The following CADPS2 variants were observed in gnomAD, a reference collection of about 807,000 sequenced individuals.
CADPS2 encodes calcium dependent secretion activator 2, also known as calcium-dependent secretion activator 2.
A neutral mutation model predicts 172.5 loss-of-function variants in CADPS2; 93 were observed. That is an observed-to-expected ratio of 0.54 (90% CI 0.46 to 0.64). The LOEUF (loss-of-function observed/expected upper bound fraction) is 0.64, where lower values mean the gene tolerates loss of function less well. Among genes scored for constraint, CADPS2 ranks in the 30% least tolerant of loss-of-function variants. The pLI, the probability that CADPS2 is intolerant of heterozygous loss-of-function variation, is 0.00. For synonymous variants in CADPS2, 546 were observed against 555.2 expected (o/e 0.98, Z 0.23); for missense variants, 1,420 against 1,565.9 (o/e 0.91, Z 1.57).
intron 1 of CADPS2, among the ~76,000 whole-genome samples, chr7:122,822,719 T>G (rs1803707143): frequency 6.6e-6 from 1 of 151,928 alleles, no homozygotes. Context: ...GATCCTTGCC[T>G]TAAGTGATGA....
intron 24 of CADPS2, chr7:122,386,269 C>A: frequency 7.2e-7 from 1 of 1,394,122 alleles, no homozygotes; most frequent in Non-Finnish European, 9.4e-7. Context: ...ATGAAATGTG[C>A]TTTTAGAAAA....
chr7:122,701,892 G>A, intron 2 of CADPS2: 1 of 1,613,374 alleles, frequency 6.2e-7, no homozygotes, highest in African/African-American at 1.3e-5. Context: ...AAAAGCCAGG[G>A]GTCAATGCAT....
chr7:122,863,237 G>A (rs937060700), intron 1 of CADPS2, among the ~76,000 whole-genome samples: 30 of 152,054 alleles, frequency 2.0e-4, no homozygotes, highest in African/African-American at 7.2e-4. Context: ...CTACATATCT[G>A]CGAAAACTTG....
intron 2 of CADPS2, among the ~76,000 whole-genome samples, chr7:122,688,831 C>T (rs1013439675): frequency 5.3e-5 from 8 of 152,198 alleles, no homozygotes; most frequent in African/African-American, 1.7e-4. Flanking sequence ...GACAAAAGCA[C>T]AGCCATGTTC....
chr7:122,650,882 A>C (rs2079083182), intron 3 of CADPS2, among the ~76,000 whole-genome samples: 1 of 151,992 alleles, frequency 6.6e-6, no homozygotes, highest in Admixed American at 6.6e-5. Context: ...TTTACCAAAA[A>C]TTTAACACAT....
rs1413708454 is a variant in CADPS2, at chr7:122,363,395, CAT to C, written c.3388-2384_3388-2383del. Among the ~76,000 whole-genome samples, 7 of 152,080 alleles carry C rather than the reference CAT, an allele frequency of 4.6e-5. No individual in the cohort carries two copies. The South Asian group carries it at 1.0e-3, about 23-fold the overall frequency. On this transcript the variant is annotated intron_variant, in intron 25 of 29. Transcript: ENST00000449022. ...TTGCTAGTGAGTCTGTGCATACACACATGTGTGTTGCTGAGGGACAAAGCAAG... is the reference window on the plus strand; with the variant it reads ...TTGCTAGTGAGTCTGTGCATACACACGTGTGTTGCTGAGGGACAAAGCAAG...
intron 22 of CADPS2, among the ~76,000 whole-genome samples, chr7:122,390,050 C>T (rs978052026): frequency 6.6e-6 from 1 of 152,002 alleles, no homozygotes; most frequent in African/African-American, 2.4e-5. Context: ...CTATCACAAA[C>T]CTACACTGCT....
chr7:122,369,959 T>G (rs1252961127), intron 25 of CADPS2: 1 of 152,224 alleles, frequency 6.6e-6, no homozygotes, highest in Non-Finnish European at 1.5e-5. Flanking sequence ...CCATTGCTCT[T>G]GGGATAAAGA....
intron 2 of CADPS2, among the ~76,000 whole-genome samples, chr7:122,726,706 T>C (rs1367795092): frequency 6.9e-6 from 1 of 145,534 alleles, no homozygotes; most frequent in Non-Finnish European, 1.5e-5. Context: ...TTATTTACTC[T>C]TAAAAACTTT....
At chr7:122,669,081 A>T (rs1473414844) in intron 2 of CADPS2, among the ~76,000 whole-genome samples, 1 of 152,194 alleles carries the variant, frequency 6.6e-6, no homozygotes, top group African/African-American at 2.4e-5. Flanking sequence ...CTGTAATCCC[A>T]GCACTTTGGG....
chr7:122,799,324 G>A (rs947034196), intron 1 of CADPS2, among the ~76,000 whole-genome samples: 1 of 152,204 alleles, frequency 6.6e-6, no homozygotes, highest in African/African-American at 2.4e-5. Context: ...GTAGGGCTGG[G>A]CGCGGTGGCT....
chr7:122,673,696 C>T (rs983971790), intron 2 of CADPS2, among the ~76,000 whole-genome samples: 43 of 152,226 alleles, frequency 2.8e-4, no homozygotes, highest in African/African-American at 9.6e-4. Flanking sequence ...AATCCTCCAG[C>T]TAGACATAAA....
intron 17 of CADPS2, chr7:122,424,324 T>C: frequency 4.1e-6 from 4 of 984,646 alleles, no homozygotes; most frequent in Non-Finnish European, 4.8e-6. Flanking sequence ...TTAACTACTT[T>C]ACCTAGATTA....
chr7:122,471,426 G>A lies in CADPS2; in HGVS notation c.2135C>T (p.Thr712Ile), dbSNP rs1304090007. Residue 712 changes from threonine to isoleucine, a missense_variant, in exon 14 of 30, where the codon ACC (threonine) becomes ATC (isoleucine). Thr to Ile is a moderately conservative substitution (Grantham distance 89). Coordinates refer to ENST00000449022, the MANE Select transcript of CADPS2 (RefSeq NM_017954.11). Reference protein sequence around the residue: ...HSENGAVIDPTLLHYSFAFCA... With the variant: ...HSENGAVIDPILLHYSFAFCA... ...GAATGCAAAGCTGTAATGGAGCAGG[G>A]TAGGGTCAATGACAGCACCATTTTC... 1 of 1,613,572 alleles carries A rather than the reference G, an allele frequency of 6.2e-7. No individual in the cohort carries two copies. The highest frequency in any genetic ancestry group is 2.2e-5 in the East Asian group (1 of 44,802).
intron 6 of CADPS2, among the ~76,000 whole-genome samples, chr7:122,604,271 C>A (rs2073196231): frequency 1.3e-5 from 2 of 152,094 alleles, no homozygotes; most frequent in Admixed American, 6.6e-5. Context: ...GTTATTCACT[C>A]ACAGATTGTT....
intron 8 of CADPS2, among the ~76,000 whole-genome samples, chr7:122,525,879 A>G (rs926120201): frequency 1.3e-5 from 2 of 152,164 alleles, no homozygotes; most frequent in Non-Finnish European, 2.9e-5. Context: ...ATTGTAACAC[A>G]ATGGCAAGTA....
chr7:122,576,852 C>A (rs547372442), intron 7 of CADPS2, among the ~76,000 whole-genome samples: 1 of 151,608 alleles, frequency 6.6e-6, no homozygotes, highest in Non-Finnish European at 1.5e-5. Flanking sequence ...CTCTGCCTCC[C>A]GGGTTCAAGT....
At chr7:122,538,146 T>TA (rs35361124) in intron 8 of CADPS2, among the ~76,000 whole-genome samples, 72 of 146,488 alleles carry the variant, frequency 4.9e-4, no homozygotes, top group Middle Eastern at 3.5e-3. Flanking sequence ...ACAAATTCAG[T>TA]AAAAAAAAAA....
At chr7:122,621,373 CAT>C in intron 5 of CADPS2, 106 bp downstream of exon 5, 1 of 734,846 alleles carries the variant, frequency 1.4e-6, no homozygotes, top group Non-Finnish European at 2.3e-6. Flanking sequence ...ACATCTCCAA[CAT>C]ATATTACACT....
Sources: gnomAD v4.1 joint callset for allele counts (sites outside exome capture counted in the v4.1 genomes callset) on GRCh38, gnomAD v4.1.1 for gene constraint, MANE v1.5 for transcripts, NCBI Gene and HGNC (gene_info 2026-07-23, HGNC 2026-07-21) for gene names.